Variants in FAM241A observed in about 807,000 individuals in gnomAD.
FAM241A encodes the protein uncharacterized protein FAM241A.
A neutral mutation model predicts 12.2 loss-of-function variants in FAM241A; 7 were observed. That is an observed-to-expected ratio of 0.58 (90% CI 0.33 to 1.08). FAM241A has a LOEUF of 1.08. FAM241A is among the 50% of genes least tolerant of loss of function. The probability of loss-of-function intolerance (pLI) is 0.04; values close to 1 mark genes in which losing one functional copy is unlikely to be tolerated. For missense variants in FAM241A, 161 were observed against 169.7 expected (o/e 0.95, Z 0.29); for synonymous variants, 74 against 68.2 (o/e 1.08, Z -0.42).
At position 112,145,620 on chromosome 4, in the gene FAM241A, G is replaced by A. The variant is rs1362826806; in HGVS notation, c.40G>A (p.Gly14Arg). The A allele has an allele frequency of 1.6e-6, 2 of 1,231,114 alleles. No homozygotes were observed. The highest frequency in any genetic ancestry group is 2.0e-6 in the Non-Finnish European group (2 of 986,248). The allele number at this position is 1,231,114 out of a possible 1,614,324, so 76.3% of individuals were successfully genotyped here. A position where few individuals can be genotyped will look rare whatever the true frequency, so the allele number is the denominator to read the frequency against. ...AGELLRGGDG[G>R]ERDEDGDALA... Reference sequence around the variant, plus strand: ...GGAGCTGCTGCGGGGCGGCGACGGCGGGGAACGCGACGAGGACGGGGACGC... The same window carrying A: ...GGAGCTGCTGCGGGGCGGCGACGGCAGGGAACGCGACGAGGACGGGGACGC... The change falls in exon 1 of 2, where the codon GGG (glycine) becomes AGG (arginine). Residue 14 changes from glycine to arginine, a missense_variant. Gly to Arg is a moderately radical substitution (Grantham distance 125). Coordinates refer to ENST00000309733, the MANE Select transcript of FAM241A (RefSeq NM_152400.3).
chr4:112,156,338 T>C (rs1225522101), intron 1 of FAM241A, among the ~76,000 whole-genome samples: 2 of 152,150 alleles, frequency 1.3e-5, no homozygotes, highest in African/African-American at 2.4e-5. Flanking sequence ...TCTGACTACT[T>C]TGTGGAAAGA....
At position 112,161,846 on chromosome 4, in the gene FAM241A, GAC is replaced by G. The variant is rs1382998898; in HGVS notation, c.153+16117_153+16118del. Among the ~76,000 whole-genome samples, 4 of 152,222 alleles carry G rather than the reference GAC, an allele frequency of 2.6e-5. No homozygotes were observed. In the East Asian group the frequency reaches 7.7e-4, roughly 29 times the overall value. ...CATCTTGATACCAAAGCCTGGCAGA[GAC>G]ACAACAAAAAAAGAGAATTTTAGAC... is the stretch of plus-strand genomic sequence containing the variant. On this transcript the variant is annotated intron_variant, in intron 1 of 1. Coordinates refer to ENST00000309733, the MANE Select transcript of FAM241A (RefSeq NM_152400.3).
chr4:112,162,517 C>T (rs999463524), intron 1 of FAM241A, among the ~76,000 whole-genome samples: 11 of 152,190 alleles, frequency 7.2e-5, no homozygotes, highest in Admixed American at 7.2e-4. Flanking sequence ...ACACCAATAA[C>T]AGACAAACAG....
chr4:112,151,441 A>T (rs959986357), intron 1 of FAM241A, among the ~76,000 whole-genome samples: 2 of 152,134 alleles, frequency 1.3e-5, no homozygotes, highest in Non-Finnish European at 2.9e-5. Context: ...TCTGTGTCTG[A>T]TTTTTTTATA....
intron 1 of FAM241A, among the ~76,000 whole-genome samples, chr4:112,157,810 C>T (rs557752315): frequency 6.6e-6 from 1 of 152,160 alleles, no homozygotes; most frequent in East Asian, 1.9e-4. Context: ...TTTTATTTAG[C>T]ACAGAAATCC....
At chr4:112,176,176 A>G (rs930488401) in intron 1 of FAM241A, among the ~76,000 whole-genome samples, 11 of 152,182 alleles carry the variant, frequency 7.2e-5, no homozygotes, top group Non-Finnish European at 1.6e-4. Flanking sequence ...ATATAATTAA[A>G]TTGTCGTAAC....
At position 112,148,969 on chromosome 4, in the gene FAM241A, G is replaced by A. The variant is rs138659054; in HGVS notation, c.153+3236G>A. Among the ~76,000 whole-genome samples, 558 of 152,146 alleles carry A rather than the reference G, an allele frequency of 3.7e-3. 2 individuals carry two copies. Among genetic ancestry groups the A allele is most frequent in the African/African-American group, 0.013 (541 of 41,486 alleles). ...TCCCATTATCCTTAGATTGACTTTCGAATTATTAACTCTAGCTTTAACGTC... is the reference window on the plus strand; with the variant it reads ...TCCCATTATCCTTAGATTGACTTTCAAATTATTAACTCTAGCTTTAACGTC... On this transcript the variant is annotated intron_variant, in intron 1 of 1. Transcript: ENST00000309733.
intron 1 of FAM241A, among the ~76,000 whole-genome samples, chr4:112,176,480 C>T (rs1723823845): frequency 6.6e-6 from 1 of 152,202 alleles, no homozygotes; most frequent in African/African-American, 2.4e-5. Flanking sequence ...TGATACATGA[C>T]GGAGCAGGAT....
chr4:112,183,539 C>T (rs552990044), intron 1 of FAM241A, among the ~76,000 whole-genome samples: 1 of 151,824 alleles, frequency 6.6e-6, no homozygotes, highest in East Asian at 1.9e-4. Context: ...GAATTTAAAC[C>T]TTCAGACAGT....
At chr4:112,165,943 G>A (rs559913030) in intron 1 of FAM241A, among the ~76,000 whole-genome samples, 343 of 152,196 alleles carry the variant, frequency 2.3e-3, no homozygotes, top group African/African-American at 7.9e-3. Context: ...AAATGCTTGA[G>A]GGGATGGATA....
intron 1 of FAM241A, among the ~76,000 whole-genome samples, chr4:112,157,161 T>TA (rs1160537682): frequency 1.3e-5 from 2 of 152,142 alleles, no homozygotes; most frequent in Admixed American, 1.3e-4. Flanking sequence ...CAGTAAATGT[T>TA]ACAACCTATT....
rs1211653035 is a variant in FAM241A, at chr4:112,190,138, T to TA, written c.*3203dup. On this transcript the variant is annotated 3_prime_UTR_variant, in exon 2 of 2. Transcript: ENST00000309733. The stretch of plus-strand genomic sequence containing the variant: ...GGCTGTCACCAAGCTGTAAATCCAC[T>TA]AAAGACTATCCAGGCAATCAGGAAA... 7.7e-6 allele frequency: 1 copy of TA among 129,882 alleles called. No homozygotes were observed. Among genetic ancestry groups the TA allele is most frequent in the Non-Finnish European group, 1.7e-5 (1 of 59,516 alleles). The allele number at this position is 129,882 out of a possible 1,614,324, so 8.0% of individuals were successfully genotyped here. A position where few individuals can be genotyped will look rare whatever the true frequency, so the allele number is the denominator to read the frequency against.
chr4:112,170,593 G>A (rs954369336), intron 1 of FAM241A, among the ~76,000 whole-genome samples: 1 of 152,132 alleles, frequency 6.6e-6, no homozygotes, highest in Non-Finnish European at 1.5e-5. Context: ...TGGATACACT[G>A]GACAAAAGCA....
intron 1 of FAM241A, among the ~76,000 whole-genome samples, chr4:112,185,455 C>T (rs1279334805): frequency 6.6e-6 from 1 of 152,134 alleles, no homozygotes; most frequent in East Asian, 1.9e-4. Context: ...GCAAGCTGTG[C>T]TTTAACAAGC....
intron 1 of FAM241A, among the ~76,000 whole-genome samples, chr4:112,158,133 T>C (rs941870459): frequency 7.9e-5 from 12 of 152,054 alleles, no homozygotes; most frequent in African/African-American, 2.9e-4. Context: ...TATGGTTTAT[T>C]TAACAGTAAT....
rs2110440227 is a variant in FAM241A at position 112,193,530 on chromosome 4, T to G, written c.*6592T>G. The stretch of plus-strand genomic sequence containing the variant: ...ATCTTGAAATAATTTTTGTATAAGG[T>G]GTAAGGAAGGGATCCAGTTTCAGCT... On this transcript the variant is annotated 3_prime_UTR_variant, in exon 2 of 2. Coordinates refer to ENST00000309733, the MANE Select transcript of FAM241A (RefSeq NM_152400.3). The G allele has an allele frequency of 6.6e-6, 1 of 152,314 alleles. No homozygotes were observed. Among genetic ancestry groups the G allele is most frequent in the South Asian group, 2.1e-4 (1 of 4,828 alleles). The allele number at this position is 152,314 out of a possible 1,614,324, so 9.4% of individuals were successfully genotyped here. A position where few individuals can be genotyped will look rare whatever the true frequency, so the allele number is the denominator to read the frequency against.
chr4:112,168,757 C>T (rs978143248), intron 1 of FAM241A, among the ~76,000 whole-genome samples: 2 of 152,032 alleles, frequency 1.3e-5, no homozygotes, highest in Admixed American at 6.6e-5. Context: ...TTCCACCTCC[C>T]GGATTCAAGC....
At chr4:112,148,006 A>T (rs1723174148) in intron 1 of FAM241A, among the ~76,000 whole-genome samples, 1 of 152,256 alleles carries the variant, frequency 6.6e-6, no homozygotes, top group East Asian at 1.9e-4. Context: ...GAAAAGAGCT[A>T]TGGTTGTATG....
intron 1 of FAM241A, among the ~76,000 whole-genome samples, chr4:112,149,411 C>G (rs928914558): frequency 6.6e-6 from 1 of 152,190 alleles, no homozygotes; most frequent in African/African-American, 2.4e-5. Context: ...TGAAAACTCT[C>G]TTTAGGGCTG....
Sources: gnomAD v4.1 joint callset for allele counts (sites outside exome capture counted in the v4.1 genomes callset) on GRCh38, gnomAD v4.1.1 for gene constraint, MANE v1.5 for transcripts, NCBI Gene and HGNC (gene_info 2026-07-23, HGNC 2026-07-21) for gene names.